ZNF140: variants seen among roughly 807,000 people sequenced by gnomAD.
ZNF140 encodes zinc finger protein 140 (clone pHZ-39).
A neutral mutation model predicts 12.9 loss-of-function variants in ZNF140; 13 were observed. The ratio of observed to expected loss-of-function variants is 1.01; its 90% CI spans 0.66 to 1.60. ZNF140 has a LOEUF of 1.60. ZNF140 is among the 40% of genes most tolerant of loss of function. ZNF140 has a pLI of 0.00. For synonymous variants in ZNF140, 214 were observed against 186.7 expected (o/e 1.15, Z -1.19); for missense variants, 531 against 548.8 (o/e 0.97, Z 0.32).
chr12:133,095,371 T>G (rs1955033343), intron 4 of ZNF140, among the ~76,000 whole-genome samples: 1 of 150,930 alleles, frequency 6.6e-6, no homozygotes, highest in Admixed American at 6.6e-5. Flanking sequence ...ACCGCAAGGC[T>G]GACTGTGGAT....
intron 4 of ZNF140, among the ~76,000 whole-genome samples, chr12:133,101,607 G>C (rs1955352509): frequency 6.6e-6 from 1 of 152,054 alleles, no homozygotes; most frequent in African/African-American, 2.4e-5. Flanking sequence ...ACCACGCCCG[G>C]CTAATTTTTT....
intron 3 of ZNF140, 82 bp downstream of exon 3, chr12:133,083,311 A>G (rs1954565007): frequency 1.9e-5 from 30 of 1,542,924 alleles, no homozygotes; most frequent in Non-Finnish European, 2.6e-5. Context: ...AATATTCCCA[A>G]GAGAGGTATG....
chr12:133,091,433 A>G (rs1954887198), intron 4 of ZNF140, among the ~76,000 whole-genome samples: 2 of 151,326 alleles, frequency 1.3e-5, no homozygotes, highest in African/African-American at 2.5e-5. Context: ...AATTAACAAC[A>G]TCTCAGCAAA....
At chr12:133,080,476 G>A (rs1209881526), upstream of ZNF140, 3 of 152,508 alleles carry the variant, frequency 2.0e-5, no homozygotes, top group African/African-American at 7.2e-5. Flanking sequence ...GTGGTGGCCT[G>A]AGTTCCACGT....
intron 4 of ZNF140, among the ~76,000 whole-genome samples, chr12:133,104,066 GCTTA>G (rs1955469080): frequency 6.6e-6 from 1 of 152,146 alleles, no homozygotes; most frequent in Non-Finnish European, 1.5e-5. Context: ...TTCCTTAAAA[GCTTA>G]CTGTGAGAGC....
Position 133,106,182 on chromosome 12 carries a change from AATGC to A in ZNF140, c.908_911del (p.Cys303LeufsTer187), listed in dbSNP as rs1177300841. Reference sequence around the variant, plus strand: ...ACACATACTGGAGAGAAACCTTATGAATGCATTGAATGTGGGAAGGCATTTCGCC... The same window carrying A: ...ACACATACTGGAGAGAAACCTTATGAATTGAATGTGGGAAGGCATTTCGCC... On this transcript the variant is annotated frameshift_variant, in exon 5 of 5. Transcript: ENST00000355557. LOFTEE classifies it low-confidence loss of function (END_TRUNC). 4 of 1,614,100 alleles carry A rather than the reference AATGC, an allele frequency of 2.5e-6. No homozygotes were observed. Among genetic ancestry groups the A allele is most frequent in the Non-Finnish European group, 2.5e-6 (3 of 1,180,000 alleles).
chr12:133,083,209 A>T lies in ZNF140; in HGVS notation c.116A>T (p.Tyr39Phe). 2 of 1,613,770 alleles carry T rather than the reference A, an allele frequency of 1.2e-6. No homozygotes were observed. The highest frequency in any genetic ancestry group is 2.2e-5 in the South Asian group (2 of 91,070). Residue 39 changes from tyrosine (Y) to phenylalanine (F), a missense_variant, in exon 3 of 5, where the codon TAT becomes TTT. Coordinates refer to ENST00000355557, the MANE Select transcript of ZNF140 (RefSeq NM_003440.4). ...DLYRCVMLEN[Y>F]GHLVSLGLSI... is the part of the protein sequence containing the mutation. Reference sequence around the variant, plus strand: ...TACAGATGTGTAATGTTGGAGAACTATGGCCATCTGGTCTCACTGGGTAAG... The same window carrying T: ...TACAGATGTGTAATGTTGGAGAACTTTGGCCATCTGGTCTCACTGGGTAAG...
rs1955619308 is a variant in ZNF140 at position 133,106,861 on chromosome 12, TA to T, written c.*212del. 2.4e-6 allele frequency: 1 copy of T among 422,728 alleles called. No homozygotes were observed. Among genetic ancestry groups the T allele is most frequent in the African/African-American group, 2.1e-5 (1 of 48,646 alleles). 26.2% of individuals were successfully genotyped at this position (422,728 alleles called of 1,614,324 possible). ...TAACCACTCTTTTATTTTTTTGCAATAACAAGGTGAAATCAATATTGTTGAG... is the reference window on the plus strand; with the variant it reads ...TAACCACTCTTTTATTTTTTTGCAATACAAGGTGAAATCAATATTGTTGAG... On this transcript the variant is annotated 3_prime_UTR_variant, in exon 5 of 5. Coordinates refer to ENST00000355557, the MANE Select transcript of ZNF140 (RefSeq NM_003440.4).
In ZNF140 at chr12:133,106,353, GTGA is replaced by G; in HGVS notation, c.1080_1082del (p.Asp360del). The G allele has an allele frequency of 6.2e-7, 1 of 1,614,128 alleles. No individual in the cohort carries two copies. The highest frequency in any genetic ancestry group is 8.5e-7 in the Non-Finnish European group (1 of 1,179,996). ...CATGCTGGAGAAAAGCTCTATGAAT[GTGA>G]TGAATGTGGTAAAGTTTTCACTTGG... On this transcript the variant is annotated inframe_deletion, in exon 5 of 5. Transcript: ENST00000355557.
At chr12:133,098,312 C>G (rs1206331758) in intron 4 of ZNF140, among the ~76,000 whole-genome samples, 8 of 152,100 alleles carry the variant, frequency 5.3e-5, no homozygotes, top group South Asian at 2.1e-4. Context: ...TCTCTCCTCA[C>G]TGCAGCCTCC....
intron 4 of ZNF140, among the ~76,000 whole-genome samples, chr12:133,090,405 A>G (rs1954815499): frequency 6.6e-6 from 1 of 152,146 alleles, no homozygotes. Flanking sequence ...GGCCTCCCAA[A>G]GTGCTGGGAT....
chr12:133,099,154 C>T (rs1297370193), intron 4 of ZNF140, among the ~76,000 whole-genome samples: 1 of 149,798 alleles, frequency 6.7e-6, no homozygotes, highest in Non-Finnish European at 1.5e-5. Context: ...GGATTACAGG[C>T]GTGAGCCAAC....
At chr12:133,083,994 T>G (rs2137484260) in intron 4 of ZNF140, 1 of 288,672 alleles carries the variant, frequency 3.5e-6, no homozygotes, top group African/African-American at 2.3e-5. Flanking sequence ...GTATAAAGAC[T>G]GAAGTTTCAC....
rs1955569137 is a variant in ZNF140 at position 133,105,769 on chromosome 12, T to C, written c.492T>C (p.His164=). 2 of 1,614,040 alleles carry C rather than the reference T, an allele frequency of 1.2e-6. No homozygotes were observed. Among genetic ancestry groups the C allele is most frequent in the South Asian group, 1.1e-5 (1 of 91,090 alleles). Reference sequence around the variant, plus strand: ...CTGTGGAGAGGCCCTATGGATGCCATGAATGTGGAAAAACTTTTGGTCGAC... The same window carrying C: ...CTGTGGAGAGGCCCTATGGATGCCACGAATGTGGAAAAACTTTTGGTCGAC... ...ISTVERPYGC[H]ECGKTFGRRF... The change falls in exon 5 of 5, where the codon CAT becomes CAC. Residue 164 remains histidine, a synonymous_variant. Coordinates refer to ENST00000355557, the MANE Select transcript of ZNF140 (RefSeq NM_003440.4).
chr12:133,095,992 T>C (rs890428298), intron 4 of ZNF140, among the ~76,000 whole-genome samples: 2 of 151,180 alleles, frequency 1.3e-5, no homozygotes, highest in African/African-American at 4.9e-5. Context: ...CCTTCCTCTA[T>C]CTCAACTGCA....
chr12:133,094,652 G>C (rs965387326), intron 4 of ZNF140, among the ~76,000 whole-genome samples: 1 of 151,014 alleles, frequency 6.6e-6, no homozygotes, highest in Non-Finnish European at 1.5e-5. Flanking sequence ...GCCACTCTTT[G>C]ACCCATACAG....
rs766354368 is a variant in ZNF140, at chr12:133,106,561, T to C, written c.1284T>C (p.Leu428=). 5 of 1,613,748 alleles carry C rather than the reference T, an allele frequency of 3.1e-6. No homozygotes were observed. The African/African-American group carries it at 6.7e-5, about 22-fold the overall frequency. ...AATCCTTCAGCTGGAGCTCAAACCT[T>C]GCTAAACATCAGAGGACACACACTC... is the stretch of plus-strand genomic sequence containing the variant. ...CNKSFSWSSN[L]AKHQRTHTLD... The change falls in exon 5 of 5, where the codon CTT becomes CTC. Residue 428 remains leucine, a synonymous_variant. Transcript: ENST00000355557.
At chr12:133,089,179 A>T (rs768952490) in intron 4 of ZNF140, among the ~76,000 whole-genome samples, 33 of 151,836 alleles carry the variant, frequency 2.2e-4, no homozygotes, top group Non-Finnish European at 4.1e-4. Flanking sequence ...GTGAATCCTG[A>T]TGCTTTCATT....
At position 133,106,577 on chromosome 12, in the gene ZNF140, A is replaced by G. The variant is rs1955607269; in HGVS notation, c.1300A>G (p.Thr434Ala). 6.2e-7 allele frequency: 1 copy of G among 1,613,632 alleles called. No individual in the cohort carries two copies. The highest frequency in any genetic ancestry group is 8.5e-7 in the Non-Finnish European group (1 of 1,179,956). Residue 434 changes from threonine to alanine, a missense_variant, in exon 5 of 5, where the codon ACA becomes GCA. Thr to Ala is a moderately conservative substitution (Grantham distance 58). Coordinates refer to ENST00000355557, the MANE Select transcript of ZNF140 (RefSeq NM_003440.4). Reference protein sequence around the residue: ...WSSNLAKHQRTHTLDNPYEYE... With the variant: ...WSSNLAKHQRAHTLDNPYEYE... ...CTCAAACCTTGCTAAACATCAGAGGACACACACTCTTGACAACCCCTATGA... is the reference window on the plus strand; with the variant it reads ...CTCAAACCTTGCTAAACATCAGAGGGCACACACTCTTGACAACCCCTATGA...
Sources: allele counts gnomAD v4.1 joint callset (sites outside exome capture counted in the v4.1 genomes callset), GRCh38; gene constraint gnomAD v4.1.1; transcripts MANE v1.5; gene names NCBI Gene and HGNC (gene_info 2026-07-23, HGNC 2026-07-21).